The following LUZP2 variants were observed in gnomAD, a reference collection of about 807,000 sequenced individuals.
LUZP2 encodes the protein leucine zipper protein 2.
Under a neutral mutation model 51.6 loss-of-function variants are expected in LUZP2, and 52 were observed. That is an observed-to-expected ratio of 1.01 (90% CI 0.81 to 1.27). LUZP2 has a LOEUF of 1.27. Among genes scored for constraint, LUZP2 ranks in the 50% most tolerant of loss-of-function variants. The pLI is 0.00. For missense variants in LUZP2, 436 were observed against 395.4 expected, an observed-to-expected ratio of 1.10 and a Z score of -0.87; for synonymous variants, 154 against 137.3, an observed-to-expected ratio of 1.12 and a Z score of -0.85.
At chr11:24,933,828 G>A (rs967389085) in intron 7 of LUZP2, among the ~76,000 whole-genome samples, 2 of 152,148 alleles carry the variant, frequency 1.3e-5, no homozygotes, top group Admixed American at 6.5e-5. Context: ...AAAGGGTGGT[G>A]GGATTATCAT....
intron 7 of LUZP2, among the ~76,000 whole-genome samples, chr11:24,962,848 G>C (rs1331368665): frequency 2.6e-5 from 4 of 152,172 alleles, no homozygotes; most frequent in Non-Finnish European, 5.9e-5. Flanking sequence ...CTGCTTTTTA[G>C]AGTTTCCAGT....
intron 1 of LUZP2, among the ~76,000 whole-genome samples, chr11:24,501,842 T>G (rs1850003239): frequency 1.3e-5 from 2 of 152,136 alleles, no homozygotes; most frequent in African/African-American, 2.4e-5. Context: ...AACAACAAAA[T>G]TTTACACAAA....
At chr11:24,710,947 G>A (rs540577472) in intron 1 of LUZP2, among the ~76,000 whole-genome samples, 8 of 148,764 alleles carry the variant, frequency 5.4e-5, no homozygotes, top group African/African-American at 1.7e-4. Context: ...GAGGAAGGAA[G>A]GAAAGGAGGG....
At chr11:24,678,478 C>G (rs546672502) in intron 1 of LUZP2, among the ~76,000 whole-genome samples, 3 of 151,576 alleles carry the variant, frequency 2.0e-5, no homozygotes, top group African/African-American at 7.3e-5. Context: ...TGTCCTAAAT[C>G]AAATATTTAA....
chr11:24,854,263 C>T (rs2716439), intron 5 of LUZP2, among the ~76,000 whole-genome samples: 23,074 of 152,234 alleles, frequency 0.15, 1,912 homozygotes, highest in African/African-American at 0.2. Context: ...GAGATGGAAG[C>T]TTTATCTATA....
At chr11:25,010,581 T>C (rs1856953315) in intron 9 of LUZP2, among the ~76,000 whole-genome samples, 1 of 151,746 alleles carries the variant, frequency 6.6e-6, no homozygotes, top group South Asian at 2.1e-4. Context: ...GAGTGGTGGC[T>C]CACACGTGTA....
chr11:24,742,762 C>G (rs948136826), intron 4 of LUZP2, among the ~76,000 whole-genome samples: 3 of 152,048 alleles, frequency 2.0e-5, no homozygotes, highest in African/African-American at 7.2e-5. Context: ...GTTATGAGAG[C>G]CTTGCCTAAG....
chr11:24,594,750 C>CTTTTTTT (rs61196514), intron 1 of LUZP2, among the ~76,000 whole-genome samples: 1 of 78,554 alleles, frequency 1.3e-5, no homozygotes, highest in African/African-American at 5.7e-5. Flanking sequence ...GTTTGGGACA[C>CTTTTTTT]TTTTTTTTTT....
chr11:24,849,079 A>C (rs778064870), intron 5 of LUZP2, among the ~76,000 whole-genome samples: 51 of 152,016 alleles, frequency 3.4e-4, no homozygotes, highest in Non-Finnish European at 5.3e-4. Flanking sequence ...GCATTTTTTC[A>C]TTTAAAAATA....
chr11:24,738,369 A>G (rs1200921128), intron 4 of LUZP2, 67 bp downstream of exon 4: 4 of 1,080,294 alleles, frequency 3.7e-6, no homozygotes, highest in Non-Finnish European at 5.6e-6. Flanking sequence ...TTTTTCCAAA[A>G]TCACTATGGA....
intron 5 of LUZP2, among the ~76,000 whole-genome samples, chr11:24,820,770 G>C (rs142711924): frequency 6.7e-4 from 102 of 152,232 alleles, no homozygotes; most frequent in Middle Eastern, 3.4e-3. Context: ...AAGACCATAG[G>C]ATGTGTATTA....
chr11:24,713,854 A>AT (rs11357002), intron 1 of LUZP2, among the ~76,000 whole-genome samples: 779 of 57,472 alleles, frequency 0.014, 37 homozygotes, highest in African/African-American at 0.048. Context: ...ATGCCTGGCC[A>AT]TTTTTTTTTT....
intron 1 of LUZP2, among the ~76,000 whole-genome samples, chr11:24,561,884 TAAAG>T (rs1214092164): frequency 2.0e-5 from 3 of 151,386 alleles, no homozygotes; most frequent in African/African-American, 2.4e-5. Context: ...AAAAAGCACT[TAAAG>T]AAGTCTTAAT....
At chr11:24,988,268 A>G (rs1856242329) in intron 9 of LUZP2, among the ~76,000 whole-genome samples, 2 of 152,026 alleles carry the variant, frequency 1.3e-5, no homozygotes, top group Non-Finnish European at 2.9e-5. Context: ...TAAAGCCAAT[A>G]TTTCCTTTTC....
At chr11:24,717,349 C>G (rs1858086208) in intron 1 of LUZP2, among the ~76,000 whole-genome samples, 1 of 151,134 alleles carries the variant, frequency 6.6e-6, no homozygotes, top group African/African-American at 2.4e-5. Context: ...CATAGGTGAA[C>G]TCATGCCATG....
Position 24,952,272 on chromosome 11 carries a change from A to T in LUZP2, c.523-24319A>T, listed in dbSNP as rs566894865. Reference sequence around the variant, plus strand: ...TTCTAAATCATATTATAATATAAAAATGATGCATTCAATTAACATTTTTTA... The same window carrying T: ...TTCTAAATCATATTATAATATAAAATTGATGCATTCAATTAACATTTTTTA... On this transcript the variant is annotated intron_variant, in intron 7 of 11. Transcript: ENST00000336930. Among the ~76,000 whole-genome samples the T allele has an allele frequency of 2.1e-3, 312 of 151,878 alleles. 1 individual carries two copies. Among genetic ancestry groups the T allele is most frequent in the Non-Finnish European group, 2.4e-3 (163 of 67,826 alleles).
intron 1 of LUZP2, among the ~76,000 whole-genome samples, chr11:24,661,004 A>G (rs1444287807): frequency 6.6e-6 from 1 of 152,180 alleles, no homozygotes; most frequent in African/African-American, 2.4e-5. Flanking sequence ...AGAGAGCCGT[A>G]CATTGCTCAG....
chr11:24,948,585 CATT>C (rs1182234624), intron 7 of LUZP2, among the ~76,000 whole-genome samples: 4 of 151,740 alleles, frequency 2.6e-5, no homozygotes, highest in Admixed American at 6.6e-5. Context: ...CTAAAGTTAT[CATT>C]GTTGTTGTTT....
chr11:25,024,110 G>A (rs1004424280), intron 9 of LUZP2, among the ~76,000 whole-genome samples: 2 of 152,134 alleles, frequency 1.3e-5, no homozygotes, highest in Non-Finnish European at 2.9e-5. Flanking sequence ...TGTATATTCT[G>A]TTGATTTGGG....
Sources: gnomAD v4.1 joint callset for allele counts (sites outside exome capture counted in the v4.1 genomes callset) on GRCh38, gnomAD v4.1.1 for gene constraint, MANE v1.5 for transcripts, NCBI Gene and HGNC (gene_info 2026-07-23, HGNC 2026-07-21) for gene names.